The following PTPRT variants were observed in gnomAD, a reference collection of about 807,000 sequenced individuals.
PTPRT encodes protein tyrosine phosphatase receptor type T, also known as receptor-type tyrosine-protein phosphatase T.
In PTPRT, 56 loss-of-function variants were observed where a neutral mutation model predicts 176.8. The observed-to-expected ratio is 0.32, with a 90% confidence interval of 0.26 to 0.40. The LOEUF (loss-of-function observed/expected upper bound fraction) is 0.40. Among genes scored for constraint, PTPRT ranks in the 10% least tolerant of loss-of-function variants. The probability of loss-of-function intolerance (pLI) is 1.00; values close to 1 mark genes in which losing one functional copy is unlikely to be tolerated. For synonymous variants in PTPRT, 783 were observed against 739.0 expected, an observed-to-expected ratio of 1.06 and a Z score of -0.96; for missense variants, 1,540 against 1,908.2, an observed-to-expected ratio of 0.81 and a Z score of 3.60.
chr20:42,381,399 G>T (rs1298246417), intron 9 of PTPRT, among the ~76,000 whole-genome samples: 1 of 152,168 alleles, frequency 6.6e-6, no homozygotes, highest in Non-Finnish European at 1.5e-5. Context: ...ATGATGACTA[G>T]CAACGTTCAG....
intron 7 of PTPRT, among the ~76,000 whole-genome samples, chr20:42,501,406 C>G (rs537580431): frequency 3.9e-5 from 6 of 152,044 alleles, no homozygotes; most frequent in Admixed American, 2.6e-4. Context: ...CTATCATGAA[C>G]GCTACACATA....
At chr20:42,052,220 A>G in the PTPRT span, among the ~76,000 whole-genome samples, 1 of 152,126 alleles carries the variant, frequency 6.6e-6, no homozygotes, top group Admixed American at 6.5e-5. Context: ...GACCCAGAAG[A>G]CCTGGAGACC....
At chr20:42,536,898 T>C (rs1008178422) in intron 7 of PTPRT, among the ~76,000 whole-genome samples, 5 of 152,196 alleles carry the variant, frequency 3.3e-5, no homozygotes, top group Non-Finnish European at 5.9e-5. Flanking sequence ...TACTTCTAGA[T>C]AGACAGCTAT....
chr20:42,255,506 A>G (rs1373552398), intron 13 of PTPRT, among the ~76,000 whole-genome samples: 1 of 152,174 alleles, frequency 6.6e-6, no homozygotes, highest in East Asian at 1.9e-4. Context: ...CCTGCTACCT[A>G]AGTTCATCCG....
At chr20:42,147,868 C>T (rs1371276258) in intron 17 of PTPRT, among the ~76,000 whole-genome samples, 1 of 152,024 alleles carries the variant, frequency 6.6e-6, no homozygotes, top group Admixed American at 6.6e-5. Context: ...GTGGTAATGA[C>T]CCCGTAATTG....
chr20:42,726,278 C>T (rs1335279516), intron 6 of PTPRT, among the ~76,000 whole-genome samples: 2 of 152,050 alleles, frequency 1.3e-5, no homozygotes, highest in East Asian at 1.9e-4. Flanking sequence ...GGGGTTTCAC[C>T]ATGTTGGCCA....
At chr20:42,529,264 G>A (rs903814948) in intron 7 of PTPRT, among the ~76,000 whole-genome samples, 9 of 152,202 alleles carry the variant, frequency 5.9e-5, no homozygotes, top group Middle Eastern at 3.4e-3. Flanking sequence ...CTTGGTAAAG[G>A]TAATAAAAGG....
chr20:42,883,706 C>CT (rs2079045185), intron 2 of PTPRT, among the ~76,000 whole-genome samples: 1 of 145,830 alleles, frequency 6.9e-6, no homozygotes, highest in Non-Finnish European at 1.5e-5. Context: ...TCCCATACAC[C>CT]CCCATACACA....
intron 1 of PTPRT, among the ~76,000 whole-genome samples, chr20:43,125,216 T>C (rs2013398555): frequency 6.6e-6 from 1 of 151,282 alleles, no homozygotes; most frequent in African/African-American, 2.4e-5. Flanking sequence ...GTCAGGCTGG[T>C]CTCAAACTCC....
rs956832141 is a variant in PTPRT, at chr20:42,473,740, G to A, written c.1154-1178C>T. On this transcript the variant is annotated intron_variant, in intron 7 of 30. Transcript: ENST00000373187. ...TCCTCCTGCCTTGGCTTCCCAAAGT[G>A]ATGGGATTGCAGGCACCATCCACCA... 2.6e-5 allele frequency among the ~76,000 whole-genome samples: 4 copies of A among 152,166 alleles called. No homozygotes were observed. The East Asian group carries it at 7.7e-4, about 29-fold the overall frequency.
chr20:42,904,740 C>A (rs372874326), intron 1 of PTPRT, among the ~76,000 whole-genome samples: 2 of 152,084 alleles, frequency 1.3e-5, no homozygotes, highest in East Asian at 1.9e-4. Flanking sequence ...TATAAAAACC[C>A]CGAGACTCCA....
intron 1 of PTPRT, among the ~76,000 whole-genome samples, chr20:43,101,055 T>C (rs1367469696): frequency 4.0e-4 from 61 of 152,176 alleles, no homozygotes; most frequent in Admixed American, 3.9e-3. Flanking sequence ...GAAACAAACA[T>C]GTGGCTACCT....
chr20:42,106,933 G>T lies in PTPRT; in HGVS notation c.3255-12C>A, dbSNP rs193048651. The stretch of plus-strand genomic sequence containing the variant: ...GCCCAGCCCCAGCACTGGAAGAGAG[G>T]TATGGTCTGTGTTAAGGATCTTCAT... On this transcript the variant is annotated splice_polypyrimidine_tract_variant and intron_variant, in intron 23 of 30. Transcript: ENST00000373187. The T allele has an allele frequency of 3.5e-4, 572 of 1,613,598 alleles. No individual in the cohort carries two copies. Among genetic ancestry groups the T allele is most frequent in the Non-Finnish European group, 4.6e-4 (541 of 1,179,726 alleles).
the PTPRT span, among the ~76,000 whole-genome samples, chr20:42,052,282 C>A: frequency 6.6e-6 from 1 of 152,178 alleles, no homozygotes; most frequent in East Asian, 1.9e-4. Flanking sequence ...GAGCACAGGG[C>A]AGATGGCAGA....
In PTPRT at chr20:42,199,319, G is replaced by A. The variant is rs368232579; in HGVS notation, c.2412C>T (p.Ala804=). Residue 804 remains alanine, a synonymous_variant, in exon 16 of 31, where the codon GCC becomes GCT. Transcript: ENST00000373187. ...AQREMGPVAS[A]DKPTTKLSAS... is the part of the protein sequence containing the mutation. The stretch of plus-strand genomic sequence containing the variant: ...CGCTGAGCTTGGTGGTGGGTTTGTC[G>A]GCAGAGGCCACAGGCCCCATCTCCC... The A allele has an allele frequency of 1.4e-4, 218 of 1,614,010 alleles. No homozygotes were observed. Among genetic ancestry groups the A allele is most frequent in the East Asian group, 1.8e-4 (8 of 44,888 alleles).
chr20:42,697,515 T>C (rs2075900354), intron 6 of PTPRT, among the ~76,000 whole-genome samples: 2 of 152,228 alleles, frequency 1.3e-5, no homozygotes, highest in Admixed American at 6.5e-5. Flanking sequence ...AAGATATGGA[T>C]GGATGTTTGC....
intron 6 of PTPRT, among the ~76,000 whole-genome samples, chr20:42,729,153 G>GGT (rs1198943351): frequency 1.3e-5 from 2 of 151,984 alleles, no homozygotes; most frequent in Non-Finnish European, 2.9e-5. Flanking sequence ...CTGAAAGAAG[G>GGT]CTCTGGAACC....
At chr20:43,098,970 T>G (rs139773456) in intron 1 of PTPRT, among the ~76,000 whole-genome samples, 2 of 152,146 alleles carry the variant, frequency 1.3e-5, no homozygotes, top group African/African-American at 4.8e-5. Context: ...GTATACCACA[T>G]TGGTCTGGAC....
chr20:42,541,111 T>C (rs752805031), intron 7 of PTPRT, among the ~76,000 whole-genome samples: 1 of 152,172 alleles, frequency 6.6e-6, no homozygotes, highest in Non-Finnish European at 1.5e-5. Context: ...TATGCGCACA[T>C]AGAACTTGGA....
Sources: allele counts gnomAD v4.1 joint callset (sites outside exome capture counted in the v4.1 genomes callset), GRCh38; gene constraint gnomAD v4.1.1; transcripts MANE v1.5; gene names NCBI Gene and HGNC (gene_info 2026-07-23, HGNC 2026-07-21).